The following ADPRHL1 variants were observed in gnomAD, a reference collection of about 807,000 sequenced individuals.
The protein encoded by ADPRHL1 is inactive ADP-ribosyltransferase ARH2.
ADPRHL1 carries 43 observed loss-of-function variants against 44.1 expected under a neutral mutation model. The observed-to-expected ratio is 0.98, with a 90% CI of 0.76 to 1.26. ADPRHL1 has a LOEUF of 1.26. ADPRHL1 is among the 50% of genes most tolerant of loss of function. The pLI is 0.00. For synonymous variants in ADPRHL1, 878 were observed against 1,017.4 expected (o/e 0.86, Z 2.61); for missense variants, 2,022 against 2,496.9 (o/e 0.81, Z 4.05).
rs1360964980 is a variant in ADPRHL1, at chr13:113,453,247, G to A, written c.191C>T (p.Ala64Val). Residue 64 changes from alanine (A) to valine (V), a missense_variant, in exon 1 of 8, where the codon GCA (alanine) becomes GTA (valine). By Grantham distance (64) the Ala-to-Val change is moderately conservative. Coordinates refer to ENST00000612156, the MANE Select transcript of ADPRHL1 (RefSeq NM_001394807.1). This position sits in a 1 kb window ranked among gnomAD's most constrained non-coding sequence, Gnocchi z 5.4. ...ACCTGTGGTGAGGGCCTCGGCGGTT[G>A]CGATGTGCATGATGGTGTTGTCACT... is the stretch of plus-strand genomic sequence containing the variant. ...PVSDNTIMHI[A>V]TAEALTTDYW... 1 of 1,614,144 alleles carries A rather than the reference G, an allele frequency of 6.2e-7. No individual in the cohort carries two copies. The highest frequency in any genetic ancestry group is 8.5e-7 in the Non-Finnish European group (1 of 1,180,032).
intron 6 of ADPRHL1, 68 bp downstream of exon 6, chr13:113,424,149 T>G: frequency 3.1e-6 from 5 of 1,590,322 alleles, no homozygotes; most frequent in Non-Finnish European, 4.3e-6. Flanking sequence ...CCTAGGACAC[T>G]CCGAGGGGGT....
chr13:113,428,110 G>A (rs998974531), intron 4 of ADPRHL1, among the ~76,000 whole-genome samples: 1 of 152,194 alleles, frequency 6.6e-6, no homozygotes. Flanking sequence ...TAGGCGTGGT[G>A]ACGGACGCCT....
chr13:113,405,409 A>C lies in ADPRHL1; in HGVS notation c.3873T>G (p.Pro1291=), dbSNP rs2043800462. The C allele has an allele frequency of 2.4e-6, 3 of 1,231,842 alleles. No homozygotes were observed. The African/African-American group carries it at 4.7e-5, about 19-fold the overall frequency. The allele number at this position is 1,231,842 out of a possible 1,614,324, so 76.3% of individuals were successfully genotyped here. A position where few individuals can be genotyped will look rare whatever the true frequency, so the allele number is the denominator to read the frequency against. ...SYGPGLPPSP[P]ENPQAKGREG... is the part of the protein sequence containing the mutation. ...CCCTGCCCTTTGCCTGTGGGTTCTCAGGAGGCGACGGCGGGAGGCCAGGGC... is the reference window on the plus strand; with the variant it reads ...CCCTGCCCTTTGCCTGTGGGTTCTCCGGAGGCGACGGCGGGAGGCCAGGGC... The change falls in exon 8 of 8, where the codon CCT becomes CCG. Residue 1291 remains proline (P), a synonymous_variant. Transcript: ENST00000612156.
intron 4 of ADPRHL1, among the ~76,000 whole-genome samples, chr13:113,428,669 C>G (rs1248395616): frequency 6.6e-6 from 1 of 152,228 alleles, no homozygotes; most frequent in Non-Finnish European, 1.5e-5. Context: ...CTGGGGTGGA[C>G]GGGGACGGGT....
At chr13:113,443,565 G>C (rs151103561) in intron 2 of ADPRHL1, among the ~76,000 whole-genome samples, 2,918 of 152,136 alleles carry the variant, frequency 0.019, 51 homozygotes, top group South Asian at 0.024. Flanking sequence ...GCTGCAGTGA[G>C]CCATGACTGC....
At chr13:113,444,093 G>C (rs1386514407) in intron 2 of ADPRHL1, among the ~76,000 whole-genome samples, 2 of 152,184 alleles carry the variant, frequency 1.3e-5, no homozygotes, top group Non-Finnish European at 2.9e-5. Flanking sequence ...GCTCGTGCTG[G>C]CTGGGCTGAC....
At chr13:113,411,108 C>T (rs956971639) in intron 7 of ADPRHL1, among the ~76,000 whole-genome samples, 1 of 152,186 alleles carries the variant, frequency 6.6e-6, no homozygotes, top group Non-Finnish European at 1.5e-5. Flanking sequence ...CCACGTGTGA[C>T]GTCAATCCGC....
At chr13:113,444,042 G>A (rs1237607148) in intron 2 of ADPRHL1, among the ~76,000 whole-genome samples, 1 of 152,228 alleles carries the variant, frequency 6.6e-6, no homozygotes, top group Non-Finnish European at 1.5e-5. Context: ...AATATATAGA[G>A]CTGACAAAGG....
In ADPRHL1 at chr13:113,444,431, C is replaced by T. The variant is rs774575530; in HGVS notation, c.373G>A (p.Glu125Lys). 6.2e-7 allele frequency: 1 copy of T among 1,613,560 alleles called. No individual in the cohort carries two copies. Among genetic ancestry groups the T allele is most frequent in the African/African-American group, 1.3e-5 (1 of 75,020 alleles). ...AGGAGAGGATTTCCCTGACCTTTTT[C>T]ATTGAACGGTGTGTGCCAGGCGAGA... is the stretch of plus-strand genomic sequence containing the variant. The part of the protein sequence containing the change: ...YLLAWHTPFN[E>K]KGSGFGAATK... Residue 125 changes from glutamate (E) to lysine (K), a missense_variant, in exon 2 of 8, where the codon GAA (glutamate) becomes AAA (lysine). Physicochemically the swap from Glu to Lys is moderately conservative, Grantham distance 56. Coordinates refer to ENST00000612156, the MANE Select transcript of ADPRHL1 (RefSeq NM_001394807.1).
chr13:113,424,362 C>A lies in ADPRHL1; in HGVS notation c.775-13G>T, dbSNP rs1352048169. The A allele has an allele frequency of 6.2e-7, 1 of 1,612,522 alleles. No homozygotes were observed. Among genetic ancestry groups the A allele is most frequent in the Admixed American group, 1.7e-5 (1 of 59,998 alleles). ...ACTTCCTGTAGGTCTGACAAGAGAGCCGTGGGTCGGGGCGTGTGCCCAAGT... is the reference window on the plus strand; with the variant it reads ...ACTTCCTGTAGGTCTGACAAGAGAGACGTGGGTCGGGGCGTGTGCCCAAGT... On this transcript the variant is annotated splice_polypyrimidine_tract_variant and intron_variant, in intron 5 of 7. Coordinates refer to ENST00000612156, the MANE Select transcript of ADPRHL1 (RefSeq NM_001394807.1).
At chr13:113,433,364 T>C (rs924361057) in intron 3 of ADPRHL1, among the ~76,000 whole-genome samples, 2 of 152,184 alleles carry the variant, frequency 1.3e-5, no homozygotes, top group African/African-American at 4.8e-5. Flanking sequence ...TTGTCTTTTG[T>C]TCTGACACAA....
chr13:113,409,683 G>A lies in ADPRHL1; in HGVS notation c.1062-1463C>T, dbSNP rs562747781. 38 of 859,148 alleles carry A rather than the reference G, an allele frequency of 4.4e-5. No homozygotes were observed. Among genetic ancestry groups the A allele is most frequent in the Middle Eastern group, 6.0e-4 (1 of 1,670 alleles). 53.2% of individuals were successfully genotyped at this position (859,148 alleles called of 1,614,324 possible). A position where few individuals can be genotyped will look rare whatever the true frequency, so the allele number is the denominator to read the frequency against. On this transcript the variant is annotated intron_variant, in intron 7 of 7. Transcript: ENST00000612156. This position sits in a 1 kb window ranked among gnomAD's most constrained non-coding sequence, Gnocchi z 4.2. ...TGGCAGATCACGAGGTCAGGAGATC[G>A]AGACCATCCTGGATAACACGGTGAA... is the stretch of plus-strand genomic sequence containing the variant.
chr13:113,423,047 T>C, intron 6 of ADPRHL1, 68 bp from the exon 7 acceptor site: 1 of 1,597,264 alleles, frequency 6.3e-7, no homozygotes, highest in African/African-American at 1.3e-5. Flanking sequence ...CCCCTGGGGC[T>C]GGCCGCCCCT....
At position 113,418,770 on chromosome 13, in the gene ADPRHL1, T is replaced by C. The variant is rs2043898945; in HGVS notation, c.1061+4056A>G. 3.3e-5 allele frequency among the ~76,000 whole-genome samples: 5 copies of C among 152,074 alleles called. No homozygotes were observed. The South Asian group carries it at 1.0e-3, about 32-fold the overall frequency. On this transcript the variant is annotated intron_variant, in intron 7 of 7. Transcript: ENST00000612156. Reference sequence around the variant, plus strand: ...AATAGCTTCAGGCTGAGAATGGGCATATTCTGGACCCCACCTTCCTCTGAA... The same window carrying C: ...AATAGCTTCAGGCTGAGAATGGGCACATTCTGGACCCCACCTTCCTCTGAA...
intron 2 of ADPRHL1, among the ~76,000 whole-genome samples, chr13:113,443,633 AAATAAATG>A (rs1414521443): frequency 3.3e-5 from 5 of 151,378 alleles, no homozygotes; most frequent in Non-Finnish European, 7.4e-5. Context: ...ATAAATAAAT[AAATAAATG>A]ATTAAAAAAA....
chr13:113,417,124 C>T (rs374450733), intron 7 of ADPRHL1, among the ~76,000 whole-genome samples: 5 of 152,224 alleles, frequency 3.3e-5, no homozygotes, highest in East Asian at 3.8e-4. Flanking sequence ...CTGGGAGAGG[C>T]GATGCTTTGC....
At chr13:113,423,064 G>T in intron 6 of ADPRHL1, 85 bp from the exon 7 acceptor site, 2 of 1,566,160 alleles carry the variant, frequency 1.3e-6, no homozygotes, top group Non-Finnish European at 1.7e-6. Flanking sequence ...CCCTAAGGTG[G>T]GCCAAACCCC....
At chr13:113,437,681 G>T (rs1433063603) in intron 2 of ADPRHL1, among the ~76,000 whole-genome samples, 3 of 152,202 alleles carry the variant, frequency 2.0e-5, no homozygotes, top group Non-Finnish European at 4.4e-5. Flanking sequence ...GCATTGATCT[G>T]CCATGGCTGC....
At position 113,436,988 on chromosome 13, in the gene ADPRHL1, C is replaced by T. The variant is rs146356577; in HGVS notation, c.380-3121G>A. Among the ~76,000 whole-genome samples the T allele has an allele frequency of 1.4e-5, 2 of 147,360 alleles. 1 individual carries two copies. ...GTGAACATAGGTATACCCCGGGACC[C>T]AGCACCCAGGTGTAGAGTGAGCATA... On this transcript the variant is annotated intron_variant, in intron 2 of 7. Coordinates refer to ENST00000612156, the MANE Select transcript of ADPRHL1 (RefSeq NM_001394807.1).
Sources: allele counts gnomAD v4.1 joint callset (sites outside exome capture counted in the v4.1 genomes callset), GRCh38; gene constraint gnomAD v4.1.1; non-coding constraint Gnocchi (gnomAD v3.1); transcripts MANE v1.5; gene names NCBI Gene and HGNC (gene_info 2026-07-23, HGNC 2026-07-21).